Variants in PRKCZ observed in about 807,000 individuals in gnomAD.
PRKCZ encodes protein kinase C zeta.
In PRKCZ, 33 loss-of-function variants were observed where a neutral mutation model predicts 79.5. That is an observed-to-expected ratio of 0.41 (90% CI 0.31 to 0.55). PRKCZ has a LOEUF of 0.55. Ranked by LOEUF, PRKCZ falls within the 20% of genes least tolerant of loss-of-function variation. The pLI, the probability that PRKCZ is intolerant of heterozygous loss-of-function variation, is 0.19. For missense variants in PRKCZ, 578 were observed against 813.5 expected, an observed-to-expected ratio of 0.71 and a Z score of 3.52; for synonymous variants, 342 against 320.9, an observed-to-expected ratio of 1.07 and a Z score of -0.70.
At chr1:2,117,416 A>T (rs1328245653) in intron 4 of PRKCZ, among the ~76,000 whole-genome samples, 4 of 150,920 alleles carry the variant, frequency 2.7e-5, no homozygotes, top group African/African-American at 9.8e-5. Flanking sequence ...AAGAAGTGTG[A>T]TTAACTCATT....
At chr1:2,093,866 T>G (rs957649006) in intron 4 of PRKCZ, among the ~76,000 whole-genome samples, 1 of 152,002 alleles carries the variant, frequency 6.6e-6, no homozygotes, top group Non-Finnish European at 1.5e-5. Flanking sequence ...GAGCCGAGGA[T>G]CCCCGCGTCG....
At chr1:2,103,277 G>T (rs534382582) in intron 4 of PRKCZ, among the ~76,000 whole-genome samples, 6 of 152,378 alleles carry the variant, frequency 3.9e-5, no homozygotes, top group Non-Finnish European at 8.8e-5. Flanking sequence ...ACTCCAAAAA[G>T]CAAGTCGTAG....
chr1:2,074,785 TG>T, intron 4 of PRKCZ: 1 of 161,510 alleles, frequency 6.2e-6, no homozygotes, highest in South Asian at 1.9e-4. Flanking sequence ...CGGAGGGGTC[TG>T]GGGGCTGCAT....
At chr1:2,102,701 C>T (rs1044408590) in intron 4 of PRKCZ, among the ~76,000 whole-genome samples, 4 of 151,930 alleles carry the variant, frequency 2.6e-5, no homozygotes, top group African/African-American at 9.7e-5. Context: ...ATTTTTTTCT[C>T]CACTTTATTT....
rs1017752535 is a variant in PRKCZ, at chr1:2,185,189, T to C, written c.*180T>C. On this transcript the variant is annotated 3_prime_UTR_variant, in exon 18 of 18. Coordinates refer to ENST00000378567, the MANE Select transcript of PRKCZ (RefSeq NM_002744.6). ...TGGGAGCAGAACAGTCCCTCACACC[T>C]GGGCCCGGGCAGGCCAGCTTCGTGC... The C allele has an allele frequency of 2.8e-5, 20 of 715,762 alleles. No individual in the cohort carries two copies. Among genetic ancestry groups the C allele is most frequent in the Non-Finnish European group, 4.3e-5 (17 of 399,370 alleles). 44.3% of individuals were successfully genotyped at this position (715,762 alleles called of 1,614,324 possible).
In PRKCZ at chr1:2,168,004, G is replaced by A. The variant is rs1173847584; in HGVS notation, c.975-1514G>A. On this transcript the variant is annotated intron_variant, in intron 10 of 17. Coordinates refer to ENST00000378567, the MANE Select transcript of PRKCZ (RefSeq NM_002744.6). The surrounding 1 kb of genome is among the most constrained non-coding windows in gnomAD (Gnocchi z 4.7). ...GGGTTGGAGGCCTTCATGGAGCTTC[G>A]TTCCGTGGGGTTGACGTTACTGAAC... 1.3e-5 allele frequency among the ~76,000 whole-genome samples: 2 copies of A among 152,184 alleles called. No individual in the cohort carries two copies. Among genetic ancestry groups the A allele is most frequent in the African/African-American group, 2.4e-5 (1 of 41,444 alleles).
rs983064368 is a variant in PRKCZ, at chr1:2,148,802, A to G, written c.635-70A>G. 3.7e-5 allele frequency: 56 copies of G among 1,503,356 alleles called. No individual in the cohort carries two copies. The South Asian group carries it at 4.1e-4, about 11-fold the overall frequency. The allele number at this position is 1,503,356 out of a possible 1,614,324, so 93.1% of individuals were successfully genotyped here. On this transcript the variant is annotated intron_variant, in intron 7 of 17. Transcript: ENST00000378567. The stretch of plus-strand genomic sequence containing the variant: ...CACCCTGCAGAGGAGCAAGGTCCAC[A>G]GGGTCGCTGTGTTCCCAGTGCGTTC...
At chr1:2,103,078 C>T (rs180954640) in intron 4 of PRKCZ, among the ~76,000 whole-genome samples, 1 of 152,238 alleles carries the variant, frequency 6.6e-6, no homozygotes, top group African/African-American at 2.4e-5. Context: ...ATTTGTTACC[C>T]AGGCTGGTCT....
intron 4 of PRKCZ, among the ~76,000 whole-genome samples, chr1:2,104,359 C>T (rs1169758349): frequency 6.6e-6 from 1 of 152,198 alleles, no homozygotes; most frequent in Non-Finnish European, 1.5e-5. Flanking sequence ...GGGAAGGTTA[C>T]GGCTGGTGGT....
chr1:2,055,801 G>A, intron 2 of PRKCZ: 2 of 500,466 alleles, frequency 4.0e-6, no homozygotes, highest in Non-Finnish European at 3.4e-6. Context: ...CTGCCTGCAG[G>A]GGGTCTCCCT....
chr1:2,148,585 C>T (rs1679204523), intron 7 of PRKCZ, among the ~76,000 whole-genome samples: 1 of 152,228 alleles, frequency 6.6e-6, no homozygotes, highest in African/African-American at 2.4e-5. Flanking sequence ...CCCTACCCAC[C>T]CATTCACTAG....
At position 2,134,515 on chromosome 1, in the gene PRKCZ, C is replaced by A. The variant is rs545587285; in HGVS notation, c.335-747C>A. Among the ~76,000 whole-genome samples the A allele has an allele frequency of 1.5e-3, 233 of 152,310 alleles. 1 individual carries two copies. Among genetic ancestry groups the A allele is most frequent in the African/African-American group, 5.1e-3 (214 of 41,570 alleles). On this transcript the variant is annotated intron_variant, in intron 4 of 17. Transcript: ENST00000378567. Reference sequence around the variant, plus strand: ...GACACGGTGTTGAGGAAGGACAAGACCAGCCGTCTGGTTACAGGCTTGGTG... The same window carrying A: ...GACACGGTGTTGAGGAAGGACAAGAACAGCCGTCTGGTTACAGGCTTGGTG...
intron 4 of PRKCZ, among the ~76,000 whole-genome samples, chr1:2,107,127 C>A (rs1016053257): frequency 6.6e-6 from 1 of 152,230 alleles, no homozygotes; most frequent in African/African-American, 2.4e-5. Flanking sequence ...CGTGTTTCCT[C>A]GGGGTTCTGC....
chr1:2,079,003 C>T (rs1217538591), intron 4 of PRKCZ, among the ~76,000 whole-genome samples: 1 of 152,166 alleles, frequency 6.6e-6, no homozygotes, highest in Non-Finnish European at 1.5e-5. Context: ...CCACCACGCC[C>T]AGCTAATTTT....
intron 4 of PRKCZ, among the ~76,000 whole-genome samples, chr1:2,126,974 C>T (rs954031891): frequency 1.3e-5 from 2 of 152,244 alleles, no homozygotes; most frequent in Non-Finnish European, 2.9e-5. Flanking sequence ...GTCCGTGTGT[C>T]CCACGTGCCT....
chr1:2,061,682 C>T (rs1169065887), intron 4 of PRKCZ, among the ~76,000 whole-genome samples: 1 of 152,152 alleles, frequency 6.6e-6, no homozygotes, highest in Non-Finnish European at 1.5e-5. Flanking sequence ...GGAGCCCTGC[C>T]CTGCCCTGTG....
chr1:2,093,055 A>G lies in PRKCZ; in HGVS notation c.334+33464A>G, dbSNP rs377106731. Among the ~76,000 whole-genome samples, 49 of 151,558 alleles carry G rather than the reference A, an allele frequency of 3.2e-4. No homozygotes were observed. The East Asian group carries it at 8.9e-3, about 27-fold the overall frequency. ...ACACGAGGCCGCGGTGCCCAGTAGC[A>G]CAGAGATGCCAATGTGATGGGTGGT... On this transcript the variant is annotated intron_variant, in intron 4 of 17. Transcript: ENST00000378567.
intron 16 of PRKCZ, chr1:2,181,965 C>G (rs1376432007): frequency 7.1e-6 from 3 of 421,776 alleles, no homozygotes; most frequent in Non-Finnish European, 1.5e-5. Context: ...TCCGGCTCCT[C>G]CCCAGCACCG....
In PRKCZ at chr1:2,178,517, T is replaced by C. The variant is rs1300566914; in HGVS notation, c.1575+3204T>C. 1.3e-5 allele frequency among the ~76,000 whole-genome samples: 2 copies of C among 151,658 alleles called. No individual in the cohort carries two copies. The highest frequency in any genetic ancestry group is 6.5e-5 in the Admixed American group (1 of 15,270). On this transcript the variant is annotated intron_variant, in intron 16 of 17. Transcript: ENST00000378567. The surrounding 1 kb of genome is among the most constrained non-coding windows in gnomAD (Gnocchi z 4.3). ...CCTGTGAACCCGCTTCTGGGTGGAC[T>C]CGTGCTGCTGTGAGCACCTGTGAAC...
Sources: gnomAD v4.1 joint callset for allele counts (sites outside exome capture counted in the v4.1 genomes callset) on GRCh38, gnomAD v4.1.1 for gene constraint, Gnocchi (gnomAD v3.1) non-coding constraint, MANE v1.5 for transcripts, NCBI Gene and HGNC (gene_info 2026-07-23, HGNC 2026-07-21) for gene names.